The following PLCB4 variants were observed in gnomAD, a reference collection of about 807,000 sequenced individuals.
The protein encoded by PLCB4 is 1-phosphatidylinositol 4,5-bisphosphate phosphodiesterase beta-4.
A neutral mutation model predicts 178.8 loss-of-function variants in PLCB4; 77 were observed. That is an observed-to-expected ratio of 0.43 (90% CI 0.36 to 0.52). PLCB4 has a LOEUF of 0.52. Among genes scored for constraint, PLCB4 ranks in the 20% least tolerant of loss-of-function variants. The probability of loss-of-function intolerance (pLI) is 0.00; values close to 1 mark genes in which losing one functional copy is unlikely to be tolerated. For missense variants in PLCB4, 1,024 were observed against 1,453.4 expected (o/e 0.70, Z 4.80); for synonymous variants, 496 against 490.8 (o/e 1.01, Z -0.14).
chr20:9,161,711 AGTAGAATAAAGTAT>A (rs1256202344), intron 2 of PLCB4, among the ~76,000 whole-genome samples: 4 of 152,086 alleles, frequency 2.6e-5, no homozygotes, highest in Non-Finnish European at 4.4e-5. Context: ...TTTTTCTTGG[AGTAGAATAAAGTAT>A]GTAGACAAAA....
At chr20:9,133,971 G>A (rs1346683156) in intron 2 of PLCB4, among the ~76,000 whole-genome samples, 2 of 152,182 alleles carry the variant, frequency 1.3e-5, no homozygotes, top group African/African-American at 4.8e-5. Context: ...TGCCTCAAAT[G>A]TCCTACTGTA....
chr20:9,171,326 C>T (rs1471381146), intron 2 of PLCB4, among the ~76,000 whole-genome samples: 1 of 152,140 alleles, frequency 6.6e-6, no homozygotes, highest in African/African-American at 2.4e-5. Context: ...GTTTACGTTT[C>T]CTTGCTCACA....
At chr20:9,276,367 C>T (rs1459438106) in intron 3 of PLCB4, among the ~76,000 whole-genome samples, 1 of 152,024 alleles carries the variant, frequency 6.6e-6, no homozygotes. Flanking sequence ...CTTCCAATCA[C>T]ATTTCATGGG....
intron 3 of PLCB4, among the ~76,000 whole-genome samples, chr20:9,295,718 A>G (rs2094626154): frequency 1.3e-5 from 2 of 152,094 alleles, no homozygotes; most frequent in Admixed American, 6.6e-5. Context: ...TTTGTCAAGG[A>G]TCAGATGGTT....
At chr20:9,384,918 C>T (rs1047657207) in intron 14 of PLCB4, among the ~76,000 whole-genome samples, 3 of 151,128 alleles carry the variant, frequency 2.0e-5, no homozygotes, top group Admixed American at 1.3e-4. Context: ...AACACGTGAA[C>T]AAAGGTCTCT....
At chr20:9,209,886 C>T (rs1417538228) in intron 2 of PLCB4, among the ~76,000 whole-genome samples, 1 of 150,318 alleles carries the variant, frequency 6.7e-6, no homozygotes, top group Non-Finnish European at 1.5e-5. Flanking sequence ...ATGGCGTGAA[C>T]CCGGGAGGCG....
intron 20 of PLCB4, among the ~76,000 whole-genome samples, chr20:9,402,896 A>G (rs1000975814): frequency 5.3e-5 from 8 of 152,212 alleles, no homozygotes; most frequent in African/African-American, 1.9e-4. Flanking sequence ...CCTGTGAAGT[A>G]TTCAAGGGGA....
chr20:9,241,267 C>G (rs577558478), intron 3 of PLCB4, among the ~76,000 whole-genome samples: 37 of 152,144 alleles, frequency 2.4e-4, no homozygotes, highest in African/African-American at 8.7e-4. Context: ...TTTATCTTGC[C>G]CATTTACACA....
chr20:9,303,325 A>G (rs1389679097), intron 3 of PLCB4, among the ~76,000 whole-genome samples: 2 of 152,254 alleles, frequency 1.3e-5, no homozygotes, highest in Middle Eastern at 3.4e-3. Context: ...GTATACTTCG[A>G]TTATCAACTC....
intron 2 of PLCB4, among the ~76,000 whole-genome samples, chr20:9,103,445 AT>A (rs1230294091): frequency 1.3e-5 from 2 of 152,214 alleles, no homozygotes; most frequent in East Asian, 3.9e-4. Context: ...GCACCATTTA[AT>A]ATTTTTGCAA....
chr20:9,346,593 C>T (rs1016592075), intron 7 of PLCB4, among the ~76,000 whole-genome samples: 9 of 152,134 alleles, frequency 5.9e-5, no homozygotes, highest in African/African-American at 1.9e-4. Context: ...GTTTCTTTAA[C>T]GTTTCCAAGA....
intron 4 of PLCB4, among the ~76,000 whole-genome samples, chr20:9,332,184 T>C (rs1005502660): frequency 2.6e-5 from 4 of 152,180 alleles, no homozygotes; most frequent in African/African-American, 9.6e-5. Flanking sequence ...CATTCCAGCT[T>C]TCTTTTATGA....
chr20:9,417,544 T>C (rs2040337246), intron 25 of PLCB4, among the ~76,000 whole-genome samples: 1 of 152,222 alleles, frequency 6.6e-6, no homozygotes, highest in African/African-American at 2.4e-5. Flanking sequence ...ATTATTTTTA[T>C]TGCTGAATAA....
Position 9,266,572 on chromosome 20 carries a change from CT to C in PLCB4, c.-15-41223del, listed in dbSNP as rs779717272. Among the ~76,000 whole-genome samples, 581 of 152,186 alleles carry C rather than the reference CT, an allele frequency of 3.8e-3. 7 individuals carry two copies. Among genetic ancestry groups the C allele is most frequent in the Middle Eastern group, 3.4e-3 (1 of 294 alleles). On this transcript the variant is annotated intron_variant, in intron 3 of 39. Coordinates refer to ENST00000378473, the MANE Select transcript of PLCB4 (RefSeq NM_001377142.1). ...TTTTACCTGTTTGGGGCTTTTAAGC[CT>C]TTTTAAAAAACATTCCTTATGGAAA...
intron 24 of PLCB4, 24 bp downstream of exon 24, chr20:9,409,205 C>A (rs1314539101): frequency 1.3e-6 from 2 of 1,566,346 alleles, no homozygotes; most frequent in African/African-American, 1.4e-5. Flanking sequence ...TCCAGTGACC[C>A]CAAATTCCAT....
In PLCB4 at chr20:9,380,140, T is replaced by C. The variant is rs1426051093; in HGVS notation, c.831T>C (p.Pro277=). 4.6e-6 allele frequency: 7 copies of C among 1,535,374 alleles called. No individual in the cohort carries two copies. Among genetic ancestry groups the C allele is most frequent in the African/African-American group, 1.4e-5 (1 of 72,118 alleles). The change falls in exon 13 of 40, where the codon CCT becomes CCC. Residue 277 remains proline (P), a synonymous_variant. Coordinates refer to ENST00000378473, the MANE Select transcript of PLCB4 (RefSeq NM_001377142.1). ...RAMQIIEMYE[P]DEDLKKKGLI... ...TGCAGATCATTGAGATGTATGAACC[T>C]GATGAAGATTTGAAGAAAAAAGGTA...
chr20:9,338,335 T>C (rs2032752169), intron 6 of PLCB4, among the ~76,000 whole-genome samples: 1 of 152,074 alleles, frequency 6.6e-6, no homozygotes, highest in South Asian at 2.1e-4. Flanking sequence ...ATATTCCAGG[T>C]CCTCCAATAA....
At chr20:9,237,230 A>G (rs1009854759) in intron 3 of PLCB4, among the ~76,000 whole-genome samples, 6 of 152,170 alleles carry the variant, frequency 3.9e-5, no homozygotes, top group East Asian at 1.9e-4. Flanking sequence ...CACTTCTCAG[A>G]TCAGGATGTG....
At chr20:9,366,114 G>A (rs995217910) in intron 9 of PLCB4, among the ~76,000 whole-genome samples, 1 of 152,134 alleles carries the variant, frequency 6.6e-6, no homozygotes, top group Non-Finnish European at 1.5e-5. Flanking sequence ...TTGAGGCAGG[G>A]CATGGTGGCT....
Sources: allele counts gnomAD v4.1 joint callset (sites outside exome capture counted in the v4.1 genomes callset), GRCh38; gene constraint gnomAD v4.1.1; transcripts MANE v1.5; gene names NCBI Gene and HGNC (gene_info 2026-07-23, HGNC 2026-07-21).